The following JPH2 variants were observed in gnomAD, a reference collection of about 807,000 sequenced individuals.
The protein encoded by JPH2 is junctophilin 2, also known as junctophilin-2.
JPH2 carries 38 observed loss-of-function variants against 55.9 expected under a neutral mutation model. The observed-to-expected ratio is 0.68, with a 90% CI of 0.52 to 0.89. The LOEUF (loss-of-function observed/expected upper bound fraction) is 0.89. Ranked by LOEUF, JPH2 falls within the 40% of genes least tolerant of loss-of-function variation. The pLI is 0.00. For synonymous variants in JPH2, 480 were observed against 472.4 expected (o/e 1.02, Z -0.21); for missense variants, 964 against 1,037.6 (o/e 0.93, Z 0.97).
At chr20:44,174,903 G>T (rs1167983971) in intron 1 of JPH2, among the ~76,000 whole-genome samples, 5 of 152,148 alleles carry the variant, frequency 3.3e-5, no homozygotes, top group African/African-American at 1.2e-4. Flanking sequence ...TGACATGGGA[G>T]GATTGCTTGA....
At position 44,115,892 on chromosome 20, in the gene JPH2, C is replaced by G. The variant is rs528177590; in HGVS notation, c.1783G>C (p.Ala595Pro). ...GGGGCGGTGGCCGGGGACGAGGGCG[C>G]GGACTCGGACCCGGAGACCTCGGGC... ...PEPEVSGSES[A>P]PSSPATAPLQ... Residue 595 changes from alanine (A) to proline (P), a missense_variant, in exon 4 of 6, where the codon GCG (alanine) becomes CCG (proline). Coordinates refer to ENST00000372980, the MANE Select transcript of JPH2 (RefSeq NM_020433.5). 2.5e-6 allele frequency: 4 copies of G among 1,577,594 alleles called. No homozygotes were observed. Among genetic ancestry groups the G allele is most frequent in the Non-Finnish European group, 3.4e-6 (4 of 1,168,166 alleles).
At position 44,161,331 on chromosome 20, in the gene JPH2, G is replaced by A. The variant is rs577548893; in HGVS notation, c.380-924C>T. Among the ~76,000 whole-genome samples, 4 of 152,174 alleles carry A rather than the reference G, an allele frequency of 2.6e-5. No individual in the cohort carries two copies. The South Asian group carries it at 8.3e-4, about 32-fold the overall frequency. On this transcript the variant is annotated intron_variant, in intron 1 of 5. Coordinates refer to ENST00000372980, the MANE Select transcript of JPH2 (RefSeq NM_020433.5). Reference sequence around the variant, plus strand: ...AGGCTAGTGGTGTGTACAAGGTGTCGGCAACTTAGGCCCTGCATGTACACA... The same window carrying A: ...AGGCTAGTGGTGTGTACAAGGTGTCAGCAACTTAGGCCCTGCATGTACACA...
In JPH2 at chr20:44,115,732, G is replaced by T. The variant is rs1442206114; in HGVS notation, c.1943C>A (p.Ala648Glu). The T allele has an allele frequency of 1.9e-6, 3 of 1,613,492 alleles. No individual in the cohort carries two copies. The East Asian group carries it at 6.7e-5, about 36-fold the overall frequency. ...CTTCCGCGCCTTCTTCTTGGCCCCC[G>T]CCTTGGTCAGCCCTCGAGCCTCAGT... ...RKTEARGLTK[A>E]GAKKKARKEA... Residue 648 changes from alanine to glutamate, a missense_variant, in exon 4 of 6, where the codon GCG becomes GAG. By Grantham distance (107) the Ala-to-Glu change is moderately radical. Coordinates refer to ENST00000372980, the MANE Select transcript of JPH2 (RefSeq NM_020433.5).
At chr20:44,162,813 C>CACACACACAT (rs1555859095) in intron 1 of JPH2, among the ~76,000 whole-genome samples, 1,881 of 112,980 alleles carry the variant, frequency 0.017, 93 homozygotes, top group Middle Eastern at 0.023. Context: ...CACACACACA[C>CACACACACAT]ACACACACAC....
At chr20:44,178,016 G>T in intron 1 of JPH2, 1 of 841,418 alleles carries the variant, frequency 1.2e-6, no homozygotes, top group Non-Finnish European at 2.1e-6. Flanking sequence ...GTTACATGGT[G>T]CACCCAGGTT....
chr20:44,186,833 G>A lies in JPH2; in HGVS notation c.-128C>T. ...GACTCACCACTGCACCCCAGGAGGG[G>A]GGAAGCAGGATGCCAGCAGAGGCTG... On this transcript the variant is annotated 5_prime_UTR_variant, in exon 1 of 6. Transcript: ENST00000372980. 1.1e-6 allele frequency: 1 copy of A among 944,804 alleles called. No individual in the cohort carries two copies. The highest frequency in any genetic ancestry group is 1.6e-6 in the Non-Finnish European group (1 of 624,400). 58.5% of individuals were successfully genotyped at this position (944,804 alleles called of 1,614,324 possible).
rs111879400 is a variant in JPH2, at chr20:44,177,621, G to A, written c.379+8706C>T. ...ACGCTGATGCCTGGCTGTGAACTGG[G>A]ACATGAGATTTCCAAGATGAGGTTA... On this transcript the variant is annotated intron_variant, in intron 1 of 5. Transcript: ENST00000372980. The A allele has an allele frequency of 2.8e-5, 33 of 1,185,432 alleles. No individual in the cohort carries two copies. In the African/African-American group the frequency reaches 3.7e-4, roughly 13 times the overall value. 73.4% of individuals were successfully genotyped at this position (1,185,432 alleles called of 1,614,324 possible). A position where few individuals can be genotyped will look rare whatever the true frequency, so the allele number is the denominator to read the frequency against.
Position 44,139,620 on chromosome 20 carries a change from G to A in JPH2, c.1169+19998C>T, listed in dbSNP as rs185639451. Among the ~76,000 whole-genome samples, 540 of 152,292 alleles carry A rather than the reference G, an allele frequency of 3.5e-3. 2 individuals are homozygous for A. The highest frequency in any genetic ancestry group is 5.4e-3 in the Non-Finnish European group (364 of 68,026). On this transcript the variant is annotated intron_variant, in intron 2 of 5. Coordinates refer to ENST00000372980, the MANE Select transcript of JPH2 (RefSeq NM_020433.5). ...GTATAATATGCTACTTTTTGTGTAA[G>A]AAAGAGAAGAACAGGAATCTATACA...
intron 2 of JPH2, among the ~76,000 whole-genome samples, chr20:44,134,663 T>TA (rs374777754): frequency 3.6e-5 from 1 of 27,698 alleles, no homozygotes; most frequent in African/African-American, 1.6e-4. Flanking sequence ...TATAAATATA[T>TA]ATAAATATAT....
At chr20:44,136,205 C>T (rs2072412111) in intron 2 of JPH2, among the ~76,000 whole-genome samples, 1 of 152,196 alleles carries the variant, frequency 6.6e-6, no homozygotes, top group Non-Finnish European at 1.5e-5. Context: ...CCCCAGACCC[C>T]TTCCAGCCTC....
chr20:44,148,118 A>G (rs1178500540), intron 2 of JPH2, among the ~76,000 whole-genome samples: 1 of 152,150 alleles, frequency 6.6e-6, no homozygotes, highest in East Asian at 1.9e-4. Flanking sequence ...AGCCAAGATC[A>G]CACCACTGCA....
Position 44,160,480 on chromosome 20 carries a change from C to A in JPH2, c.380-73G>T. ...GCGTGTGCACGGTGGCCTGGGAGGG[C>A]AAGGGCGGGAGTGGGCAAGGCGGGG... On this transcript the variant is annotated intron_variant, in intron 1 of 5. Coordinates refer to ENST00000372980, the MANE Select transcript of JPH2 (RefSeq NM_020433.5). This position sits in a 1 kb window ranked among gnomAD's most constrained non-coding sequence, Gnocchi z 4.9. The A allele has an allele frequency of 4.6e-6, 7 of 1,509,984 alleles. No individual in the cohort carries two copies. Among genetic ancestry groups the A allele is most frequent in the East Asian group, 2.3e-5 (1 of 42,584 alleles). The allele number at this position is 1,509,984 out of a possible 1,614,324, so 93.5% of individuals were successfully genotyped here. A position where few individuals can be genotyped will look rare whatever the true frequency, so the allele number is the denominator to read the frequency against.
rs2072132438 is a variant in JPH2 at position 44,110,204 on chromosome 20, A to C, written c.*3314T>G. Among the ~76,000 whole-genome samples, 1 of 151,744 alleles carries C rather than the reference A, an allele frequency of 6.6e-6. No individual in the cohort carries two copies. The highest frequency in any genetic ancestry group is 2.4e-5 in the African/African-American group (1 of 41,262). On this transcript the variant is annotated 3_prime_UTR_variant, in exon 6 of 6. Transcript: ENST00000372980. ...GTTCAATACAGCCACCCCTGCCCCC[A>C]ACTCATCCAACACACACACATACAC...
Position 44,160,352 on chromosome 20 carries a change from C to T in JPH2, c.435G>A (p.Gln145=), listed in dbSNP as rs2145879710. Residue 145 remains glutamine, a synonymous_variant, in exon 2 of 6, where the codon CAG becomes CAA. Coordinates refer to ENST00000372980, the MANE Select transcript of JPH2 (RefSeq NM_020433.5). This position sits in a 1 kb window ranked among gnomAD's most constrained non-coding sequence, Gnocchi z 4.9. ...CCACGGCCATCCCGTAGGGCACGCTCTGGCGTACTCCGTAGCCATGGCGCA... is the reference window on the plus strand; with the variant it reads ...CCACGGCCATCCCGTAGGGCACGCTTTGGCGTACTCCGTAGCCATGGCGCA... The part of the protein sequence containing the change: ...NGMRHGYGVR[Q]SVPYGMAVVV... The T allele has an allele frequency of 6.3e-7, 1 of 1,597,142 alleles. No homozygotes were observed. The highest frequency in any genetic ancestry group is 1.3e-5 in the African/African-American group (1 of 74,722).
chr20:44,179,682 G>C (rs146299700), intron 1 of JPH2, among the ~76,000 whole-genome samples: 1,582 of 152,274 alleles, frequency 0.01, 20 homozygotes, highest in Non-Finnish European at 0.017. Context: ...TTTTCATTTT[G>C]CACTGGGTCT....
intron 1 of JPH2, among the ~76,000 whole-genome samples, chr20:44,176,070 C>T (rs2072730931): frequency 6.6e-6 from 1 of 152,156 alleles, no homozygotes; most frequent in African/African-American, 2.4e-5. Context: ...GCCTTGGGAC[C>T]ATCTTTAACT....
At chr20:44,168,690 A>G (rs1008565440) in intron 1 of JPH2, among the ~76,000 whole-genome samples, 6 of 152,380 alleles carry the variant, frequency 3.9e-5, no homozygotes, top group Admixed American at 1.3e-4. Flanking sequence ...TTCACCTCTA[A>G]GAATATGAGA....
chr20:44,127,779 C>T (rs1027699447), intron 2 of JPH2, among the ~76,000 whole-genome samples: 107 of 152,130 alleles, frequency 7.0e-4, no homozygotes, highest in African/African-American at 2.4e-3. Context: ...TGAGCCACCG[C>T]GCCCGGCCCA....
chr20:44,163,967 G>A (rs559161803), intron 1 of JPH2, among the ~76,000 whole-genome samples: 1 of 152,200 alleles, frequency 6.6e-6, no homozygotes, highest in Non-Finnish European at 1.5e-5. Context: ...GAAATGGAGA[G>A]AGACAGAAAT....
Sources: gnomAD v4.1 joint callset for allele counts (sites outside exome capture counted in the v4.1 genomes callset) on GRCh38, gnomAD v4.1.1 for gene constraint, Gnocchi (gnomAD v3.1) non-coding constraint, MANE v1.5 for transcripts, NCBI Gene and HGNC (gene_info 2026-07-23, HGNC 2026-07-21) for gene names.